SLC34A2: variants seen among roughly 807,000 people sequenced by gnomAD.
The protein encoded by SLC34A2 is sodium-dependent phosphate transport protein 2B.
SLC34A2 carries 41 observed loss-of-function variants against 50.8 expected under a neutral mutation model. That is an observed-to-expected ratio of 0.81 (90% CI 0.63 to 1.05). The LOEUF (loss-of-function observed/expected upper bound fraction) is 1.05, where lower values mean the gene tolerates loss of function less well. SLC34A2 is among the 50% of genes least tolerant of loss of function. The pLI is 0.00. For missense variants in SLC34A2, 879 were observed against 876.7 expected, an observed-to-expected ratio of 1.00 and a Z score of -0.03; for synonymous variants, 401 against 364.2, an observed-to-expected ratio of 1.10 and a Z score of -1.15.
At chr4:25,660,079 A>AT (rs1437524236) in intron 1 of SLC34A2, among the ~76,000 whole-genome samples, 3 of 151,952 alleles carry the variant, frequency 2.0e-5, no homozygotes, top group Non-Finnish European at 2.9e-5. Context: ...CTCTTTTTTC[A>AT]TTTTTTCACA....
intron 6 of SLC34A2, among the ~76,000 whole-genome samples, chr4:25,669,067 C>T (rs1440592240): frequency 6.6e-6 from 1 of 151,970 alleles, no homozygotes; most frequent in Non-Finnish European, 1.5e-5. Flanking sequence ...ATTCATGTTT[C>T]ATCACTTTCA....
At chr4:25,671,765 T>C in intron 9 of SLC34A2, 44 bp downstream of exon 9, 1 of 1,613,912 alleles carries the variant, frequency 6.2e-7, no homozygotes. Flanking sequence ...AGGTGTTGTC[T>C]GGGGGTGACC....
chr4:25,669,816 A>C lies in SLC34A2; in HGVS notation c.805A>C (p.Lys269Gln). Residue 269 changes from lysine (K) to glutamine (Q), a missense_variant, in exon 7 of 13, where the codon AAG (lysine) becomes CAG (glutamine). Transcript: ENST00000382051. ...DAPDLLKVIT[K>Q]PFTKLIVQLD... The stretch of plus-strand genomic sequence containing the variant: ...CCCAGATCTTCTGAAAGTCATCACT[A>C]AGCCCTTCACAAAGCTCATTGTCCA... The C allele has an allele frequency of 6.2e-7, 1 of 1,614,200 alleles. No individual in the cohort carries two copies. Among genetic ancestry groups the C allele is most frequent in the Non-Finnish European group, 8.5e-7 (1 of 1,180,022 alleles).
intron 4 of SLC34A2, chr4:25,665,245 C>T (rs1434768453): frequency 1.7e-5 from 3 of 177,828 alleles, no homozygotes; most frequent in Non-Finnish European, 3.6e-5. Context: ...CAGCTCACCG[C>T]GACCTCCACC....
Position 25,668,016 on chromosome 4 carries a change from G to A in SLC34A2, c.635+25G>A, listed in dbSNP as rs373829262. 1.0e-5 allele frequency: 14 copies of A among 1,405,886 alleles called. No individual in the cohort carries two copies. In the African/African-American group the frequency reaches 2.0e-4, roughly 20 times the overall value. The allele number at this position is 1,405,886 out of a possible 1,614,324, so 87.1% of individuals were successfully genotyped here. ...GGTAAGAGGCTCAAAACCAGCCTTTGCGACATCAGCTCTATTGTTCTTGGC... is the reference window on the plus strand; with the variant it reads ...GGTAAGAGGCTCAAAACCAGCCTTTACGACATCAGCTCTATTGTTCTTGGC... On this transcript the variant is annotated intron_variant, in intron 6 of 12. Coordinates refer to ENST00000382051, the MANE Select transcript of SLC34A2 (RefSeq NM_006424.3).
Position 25,676,274 on chromosome 4 carries a change from T to C in SLC34A2, c.1598T>C (p.Leu533Pro). Residue 533 changes from leucine (L) to proline (P), a missense_variant, in exon 13 of 13, where the codon CTG (leucine) becomes CCG (proline). Leu to Pro is a moderately conservative substitution (Grantham distance 98, BLOSUM62 -3). Coordinates refer to ENST00000382051, the MANE Select transcript of SLC34A2 (RefSeq NM_006424.3). ...AKYRWFAVFY[L>P]IIFFFLIPLT... ...TATCGCTGGTTCGCCGTCTTCTACC[T>C]GATCATCTTCTTCTTCCTGATCCCG... The C allele has an allele frequency of 6.2e-7, 1 of 1,614,192 alleles. No homozygotes were observed. The highest frequency in any genetic ancestry group is 8.5e-7 in the Non-Finnish European group (1 of 1,180,040).
rs760197776 is a variant in SLC34A2, at chr4:25,676,658, C to T, written c.1982C>T (p.Ala661Val). 6.2e-7 allele frequency: 1 copy of T among 1,614,210 alleles called. No individual in the cohort carries two copies. The highest frequency in any genetic ancestry group is 1.1e-5 in the South Asian group (1 of 91,088). ...AQEGQDVPVK[A>V]PETFDNITIS... Reference sequence around the variant, plus strand: ...GAGGGGCAGGATGTCCCTGTCAAGGCTCCTGAGACCTTTGATAACATAACC... The same window carrying T: ...GAGGGGCAGGATGTCCCTGTCAAGGTTCCTGAGACCTTTGATAACATAACC... The change falls in exon 13 of 13, where the codon GCT becomes GTT. Residue 661 changes from alanine to valine, a missense_variant. Coordinates refer to ENST00000382051, the MANE Select transcript of SLC34A2 (RefSeq NM_006424.3).
intron 8 of SLC34A2, 149 bp downstream of exon 8, chr4:25,670,982 T>C: frequency 1.4e-6 from 1 of 699,470 alleles, no homozygotes; most frequent in Admixed American, 2.2e-5. Context: ...AGTGAATGCC[T>C]TTAGAAAACA....
At chr4:25,657,511 TC>T (rs565123487) in intron 1 of SLC34A2, among the ~76,000 whole-genome samples, 1,877 of 151,524 alleles carry the variant, frequency 0.012, 15 homozygotes, top group Non-Finnish European at 0.019. Flanking sequence ...TGCTTTAACC[TC>T]CCCCCCCAAT....
In SLC34A2 at chr4:25,674,584, G is replaced by A. The variant is rs745905051; in HGVS notation, c.1413G>A (p.Leu471=). The change falls in exon 12 of 13, where the codon CTG becomes CTA. Residue 471 remains leucine (L), a synonymous_variant. Coordinates refer to ENST00000382051, the MANE Select transcript of SLC34A2 (RefSeq NM_006424.3). ...SNIGTTTTAI[L]AALASPGNAL... ...TCGGCACCACCACCACCGCCATCCT[G>A]GCCGCCTTAGCCAGCCCTGGCAATG... The A allele has an allele frequency of 1.2e-6, 2 of 1,614,242 alleles. No individual in the cohort carries two copies. Among genetic ancestry groups the A allele is most frequent in the Admixed American group, 3.3e-5 (2 of 60,024 alleles).
chr4:25,660,634 C>A (rs747667315), intron 1 of SLC34A2, among the ~76,000 whole-genome samples: 1 of 152,178 alleles, frequency 6.6e-6, no homozygotes, highest in Non-Finnish European at 1.5e-5. Context: ...CAACCTCCAC[C>A]TCCCAGATTC....
chr4:25,673,292 G>GGGATGA (rs1714922816), intron 10 of SLC34A2, 38 bp downstream of exon 10: 1 of 1,586,832 alleles, frequency 6.3e-7, no homozygotes, highest in Non-Finnish European at 8.6e-7. Context: ...CTCACATGTA[G>GGGATGA]TCACTGCATG....
intron 2 of SLC34A2, 43 bp downstream of exon 2, chr4:25,662,655 C>T: frequency 6.2e-7 from 1 of 1,613,964 alleles, no homozygotes; most frequent in Non-Finnish European, 8.5e-7. Context: ...TTTGTGAGGA[C>T]CCCAGGAGAC....
chr4:25,665,592 G>T (rs571336608), intron 4 of SLC34A2, among the ~76,000 whole-genome samples: 1 of 152,164 alleles, frequency 6.6e-6, no homozygotes, highest in South Asian at 2.1e-4. Context: ...AATGGACTTG[G>T]GAATGCATTG....
Position 25,677,440 on chromosome 4 carries a change from C to G in SLC34A2, c.*691C>G, listed in dbSNP as rs1414122348. 1 of 152,542 alleles carries G rather than the reference C, an allele frequency of 6.6e-6. No homozygotes were observed. The allele number at this position is 152,542 out of a possible 1,614,324, so 9.4% of individuals were successfully genotyped here. On this transcript the variant is annotated 3_prime_UTR_variant, in exon 13 of 13. Coordinates refer to ENST00000382051, the MANE Select transcript of SLC34A2 (RefSeq NM_006424.3). Reference sequence around the variant, plus strand: ...AGCCACGCCTGAACTAGAGTTCAGGCTGGATACATGTGCTCACCTGCTGCT... The same window carrying G: ...AGCCACGCCTGAACTAGAGTTCAGGGTGGATACATGTGCTCACCTGCTGCT...
chr4:25,675,094 C>T (rs1297049063), intron 12 of SLC34A2, among the ~76,000 whole-genome samples: 1 of 152,164 alleles, frequency 6.6e-6, no homozygotes, highest in African/African-American at 2.4e-5. Context: ...TGCAGTGATA[C>T]AATCTCCACT....
In SLC34A2 at chr4:25,662,832, C is replaced by T. The variant is rs1041318430; in HGVS notation, c.240C>T (p.Ile80=). Reference sequence around the variant, plus strand: ...TACCCACTCTTCAGGACTCGGGGATCAAGTGGTCAGGTAAAAGTGAGGCCA... The same window carrying T: ...TACCCACTCTTCAGGACTCGGGGATTAAGTGGTCAGGTAAAAGTGAGGCCA... ...WNLPTLQDSG[I]KWSERDTKGK... is the part of the protein sequence containing the mutation. The change falls in exon 3 of 13, where the codon ATC becomes ATT. Residue 80 remains isoleucine, a synonymous_variant. Coordinates refer to ENST00000382051, the MANE Select transcript of SLC34A2 (RefSeq NM_006424.3). The T allele has an allele frequency of 6.2e-7, 1 of 1,614,102 alleles. No individual in the cohort carries two copies. The highest frequency in any genetic ancestry group is 8.5e-7 in the Non-Finnish European group (1 of 1,180,012).
chr4:25,658,700 G>A (rs1714015683), intron 1 of SLC34A2, among the ~76,000 whole-genome samples: 1 of 152,192 alleles, frequency 6.6e-6, no homozygotes, highest in South Asian at 2.1e-4. Context: ...CCCTCCCTGG[G>A]CTTTAGTAAA....
intron 6 of SLC34A2, among the ~76,000 whole-genome samples, chr4:25,668,679 G>A (rs1714645018): frequency 6.6e-6 from 1 of 151,352 alleles, no homozygotes; most frequent in African/African-American, 2.4e-5. Context: ...TGTTTTGTTT[G>A]GTCATAATTA....
Sources: allele counts gnomAD v4.1 joint callset (sites outside exome capture counted in the v4.1 genomes callset), GRCh38; gene constraint gnomAD v4.1.1; transcripts MANE v1.5; gene names NCBI Gene and HGNC (gene_info 2026-07-23, HGNC 2026-07-21).